QRSL1: variants seen among roughly 807,000 people sequenced by gnomAD.
The protein encoded by QRSL1 is glutaminyl-tRNA amidotransferase subunit QRSL1, also known as glutamyl-tRNA(Gln) amidotransferase subunit A, mitochondrial.
Under a neutral mutation model 61.6 loss-of-function variants are expected in QRSL1, and 54 were observed. The ratio of observed to expected loss-of-function variants is 0.88; its 90% CI spans 0.70 to 1.10. The LOEUF is 1.10. Among genes scored for constraint, QRSL1 ranks in the 50% least tolerant of loss-of-function variants. The pLI, the probability that QRSL1 is intolerant of heterozygous loss-of-function variation, is 0.00. For missense variants in QRSL1, 505 were observed against 622.6 expected (o/e 0.81, Z 2.01); for synonymous variants, 228 against 225.7 (o/e 1.01, Z -0.09).
intron 9 of QRSL1, 21 bp from the exon 10 acceptor site, chr6:106,662,956 ACAT>A: frequency 6.5e-7 from 1 of 1,542,826 alleles, no homozygotes; most frequent in Non-Finnish European, 9.0e-7. Context: ...ATCCTTAAAA[ACAT>A]CACCTACTTT....
At chr6:106,650,004 G>C (rs1334305498) in intron 5 of QRSL1, among the ~76,000 whole-genome samples, 1 of 151,902 alleles carries the variant, frequency 6.6e-6, no homozygotes, top group Non-Finnish European at 1.5e-5. Context: ...TATTTTTTTA[G>C]AGCTATGGAG....
At chr6:106,656,453 T>C (rs1273380256) in intron 9 of QRSL1, among the ~76,000 whole-genome samples, 1 of 152,258 alleles carries the variant, frequency 6.6e-6, no homozygotes, top group Non-Finnish European at 1.5e-5. Context: ...TGACTCCTCC[T>C]TCAATTGTCT....
At chr6:106,636,411 C>T (rs544679763) in intron 1 of QRSL1, among the ~76,000 whole-genome samples, 1 of 151,822 alleles carries the variant, frequency 6.6e-6, no homozygotes, top group South Asian at 2.1e-4. Context: ...ACATCTGCCT[C>T]CCGGGTTCAA....
chr6:106,657,408 A>G (rs1451392588), intron 9 of QRSL1, among the ~76,000 whole-genome samples: 1 of 152,246 alleles, frequency 6.6e-6, no homozygotes, highest in African/African-American at 2.4e-5. Context: ...TAAGCTAAAG[A>G]TATTACTTTT....
chr6:106,635,001 G>A (rs1776898959), intron 1 of QRSL1, among the ~76,000 whole-genome samples: 1 of 151,962 alleles, frequency 6.6e-6, no homozygotes, highest in African/African-American at 2.4e-5. Flanking sequence ...AGGTTATCAA[G>A]AGTTTTGTTC....
At chr6:106,646,959 C>T (rs1333560842) in intron 4 of QRSL1, among the ~76,000 whole-genome samples, 6 of 135,678 alleles carry the variant, frequency 4.4e-5, no homozygotes, top group Non-Finnish European at 9.1e-5. Context: ...ACCCGGGAGG[C>T]AGAGGTTGCA....
Position 106,629,721 on chromosome 6 carries a change from C to T in QRSL1, c.24+16C>T, listed in dbSNP as rs777255423. 2.5e-6 allele frequency: 4 copies of T among 1,601,316 alleles called. No individual in the cohort carries two copies. The highest frequency in any genetic ancestry group is 3.4e-6 in the Non-Finnish European group (4 of 1,174,610). ...CCTCCGAGAAGTGAGTGGAATTGGC[C>T]CGCTGAGGCCCCCGGGAGGGCGGAA... On this transcript the variant is annotated intron_variant, in intron 1 of 10. Coordinates refer to ENST00000369046, the MANE Select transcript of QRSL1 (RefSeq NM_018292.5).
intron 5 of QRSL1, among the ~76,000 whole-genome samples, chr6:106,650,944 G>C (rs1388081007): frequency 6.6e-6 from 1 of 152,062 alleles, no homozygotes; most frequent in African/African-American, 2.4e-5. Context: ...TTTTTTAATT[G>C]TGGTAAAATG....
rs1325449022 is a variant in QRSL1, at chr6:106,629,716, T to C, written c.24+11T>C. 4 of 1,603,766 alleles carry C rather than the reference T, an allele frequency of 2.5e-6. No homozygotes were observed. Among genetic ancestry groups the C allele is most frequent in the African/African-American group, 1.3e-5 (1 of 74,672 alleles). On this transcript the variant is annotated intron_variant, in intron 1 of 10. Coordinates refer to ENST00000369046, the MANE Select transcript of QRSL1 (RefSeq NM_018292.5). The stretch of plus-strand genomic sequence containing the variant: ...CGGAGCCTCCGAGAAGTGAGTGGAA[T>C]TGGCCCGCTGAGGCCCCCGGGAGGG...
At chr6:106,649,345 C>T in intron 5 of QRSL1, 144 bp downstream of exon 5, 4 of 761,444 alleles carry the variant, frequency 5.3e-6, no homozygotes, top group Non-Finnish European at 6.2e-6. Context: ...AAAATTATAT[C>T]TTGAGTTGCA....
intron 9 of QRSL1, among the ~76,000 whole-genome samples, chr6:106,661,800 C>T (rs1475432954): frequency 6.8e-6 from 1 of 146,678 alleles, no homozygotes; most frequent in African/African-American, 2.5e-5. Context: ...CAACCTCCGC[C>T]TCCCAGGTTC....
intron 10 of QRSL1, among the ~76,000 whole-genome samples, chr6:106,665,391 C>T (rs1156479276): frequency 6.6e-6 from 1 of 152,132 alleles, no homozygotes; most frequent in African/African-American, 2.4e-5. Context: ...AAGCAATCTC[C>T]TCCTCATCTA....
intron 1 of QRSL1, chr6:106,640,080 T>G (rs529592256): frequency 6.6e-6 from 2 of 302,344 alleles, no homozygotes; most frequent in Non-Finnish European, 1.2e-5. Flanking sequence ...TTTACCTAAC[T>G]TACTGCCGTT....
At chr6:106,652,671 CT>C in intron 7 of QRSL1, 89 bp downstream of exon 7, 1 of 1,579,446 alleles carries the variant, frequency 6.3e-7, no homozygotes, top group Non-Finnish European at 8.6e-7. Context: ...GGGTTTGAAT[CT>C]CTGCTCTGCC....
chr6:106,655,004 A>G, intron 8 of QRSL1, 82 bp downstream of exon 8: 2 of 1,264,020 alleles, frequency 1.6e-6, no homozygotes, highest in Non-Finnish European at 2.2e-6. Flanking sequence ...AAAAAAGTTA[A>G]TGCTTGAGAT....
chr6:106,659,425 A>C (rs1234015377), intron 9 of QRSL1, among the ~76,000 whole-genome samples: 1 of 151,826 alleles, frequency 6.6e-6, no homozygotes. Flanking sequence ...AGATTGTGCC[A>C]CTGCACCCCA....
At chr6:106,635,086 C>G (rs535023702) in intron 1 of QRSL1, among the ~76,000 whole-genome samples, 3 of 151,510 alleles carry the variant, frequency 2.0e-5, no homozygotes, top group African/African-American at 7.3e-5. Flanking sequence ...TACAAGAGTT[C>G]AGAGCTCAGA....
At position 106,649,088 on chromosome 6, in the gene QRSL1, T is replaced by C. The variant is rs202084357; in HGVS notation, c.444T>C (p.Tyr148=). The C allele has an allele frequency of 2.2e-5, 36 of 1,614,014 alleles. No individual in the cohort carries two copies. Among genetic ancestry groups the C allele is most frequent in the African/African-American group, 8.0e-5 (6 of 74,920 alleles). ...VKNPWSYSKQ[Y]REKRKQNPHS... ...ACCCCTGGAGTTATTCAAAACAATA[T>C]AGAGAAAAGAGGAAGCAGAATCCCC... is the stretch of plus-strand genomic sequence containing the variant. Residue 148 remains tyrosine, a synonymous_variant, in exon 5 of 11, where the codon TAT becomes TAC. Transcript: ENST00000369046.
At position 106,629,661 on chromosome 6, in the gene QRSL1, G is replaced by A. The variant is rs1299724366; in HGVS notation, c.-21G>A. On this transcript the variant is annotated 5_prime_UTR_variant, in exon 1 of 11. Coordinates refer to ENST00000369046, the MANE Select transcript of QRSL1 (RefSeq NM_018292.5). The stretch of plus-strand genomic sequence containing the variant: ...TTCCCCCTTGCCTGGCTCCTGTGGT[G>A]GCAGGCTGGGCACGAGGACCATGCT... 2 of 1,601,478 alleles carry A rather than the reference G, an allele frequency of 1.2e-6. No individual in the cohort carries two copies. The highest frequency in any genetic ancestry group is 1.1e-5 in the South Asian group (1 of 88,294).
Sources: allele counts gnomAD v4.1 joint callset (sites outside exome capture counted in the v4.1 genomes callset), GRCh38; gene constraint gnomAD v4.1.1; transcripts MANE v1.5; gene names NCBI Gene and HGNC (gene_info 2026-07-23, HGNC 2026-07-21).